Variants in SCUBE1 observed in about 807,000 individuals in gnomAD.
The protein encoded by SCUBE1 is signal peptide, CUB domain and EGF like domain containing 1, also known as signal peptide, CUB and EGF-like domain-containing protein 1.
In SCUBE1, 59 loss-of-function variants were observed where a neutral mutation model predicts 124.4. The ratio of observed to expected loss-of-function variants is 0.47; its 90% CI spans 0.38 to 0.59. The LOEUF is 0.59. SCUBE1 is among the 20% of genes least tolerant of loss of function. SCUBE1 has a pLI of 0.00. For synonymous variants in SCUBE1, 545 were observed against 550.9 expected, an observed-to-expected ratio of 0.99 and a Z score of 0.15; for missense variants, 1,150 against 1,371.2, an observed-to-expected ratio of 0.84 and a Z score of 2.55.
At position 43,210,028 on chromosome 22, in the gene SCUBE1, C is replaced by T. The variant is rs760037871; in HGVS notation, c.2581+15G>A. Reference sequence around the variant, plus strand: ...CAGCTGAGGCTGCCTCTGGTCCCCTCGGCCCCCAACATACCACTCTTCCTC... The same window carrying T: ...CAGCTGAGGCTGCCTCTGGTCCCCTTGGCCCCCAACATACCACTCTTCCTC... On this transcript the variant is annotated intron_variant, in intron 19 of 21. Coordinates refer to ENST00000360835, the MANE Select transcript of SCUBE1 (RefSeq NM_173050.5). The surrounding 1 kb of genome is among the most constrained non-coding windows in gnomAD (Gnocchi z 4.5). 3.2e-5 allele frequency: 50 copies of T among 1,584,024 alleles called. No individual in the cohort carries two copies. The highest frequency in any genetic ancestry group is 3.3e-5 in the Non-Finnish European group (38 of 1,164,354).
At chr22:43,227,274 G>C in intron 10 of SCUBE1, 100 bp downstream of exon 10, 1 of 1,361,598 alleles carries the variant, frequency 7.3e-7, no homozygotes, top group Non-Finnish European at 1.0e-6. Context: ...AGAGGAAAGG[G>C]AGGGGCTGTC....
intron 1 of SCUBE1, among the ~76,000 whole-genome samples, chr22:43,342,287 CGGGCCT>C (rs1459212650): frequency 1.3e-5 from 2 of 152,020 alleles, no homozygotes; most frequent in Non-Finnish European, 2.9e-5. Context: ...GTGAAACCCA[CGGGCCT>C]GGGCCTGTGG....
At position 43,322,092 on chromosome 22, in the gene SCUBE1, C is replaced by T. The variant is rs556768254; in HGVS notation, c.221-2027G>A. Among the ~76,000 whole-genome samples, 519 of 152,252 alleles carry T rather than the reference C, an allele frequency of 3.4e-3. 2 individuals carry two copies. Among genetic ancestry groups the T allele is most frequent in the Non-Finnish European group, 3.7e-3 (253 of 68,034 alleles). On this transcript the variant is annotated intron_variant, in intron 2 of 21. Coordinates refer to ENST00000360835, the MANE Select transcript of SCUBE1 (RefSeq NM_173050.5). ...CTCCACCTCCTGGGTTCAAGCGATTCGCCTGCCTCAGCCTCCCAAGTAGCT... is the reference window on the plus strand; with the variant it reads ...CTCCACCTCCTGGGTTCAAGCGATTTGCCTGCCTCAGCCTCCCAAGTAGCT...
At chr22:43,317,887 T>C (rs1926406924) in intron 3 of SCUBE1, among the ~76,000 whole-genome samples, 1 of 152,058 alleles carries the variant, frequency 6.6e-6, no homozygotes, top group Non-Finnish European at 1.5e-5. Flanking sequence ...GGTGTCCTCA[T>C]AAAAAAGGAA....
At chr22:43,249,470 TAA>T (rs964125373) in intron 6 of SCUBE1, among the ~76,000 whole-genome samples, 5 of 152,172 alleles carry the variant, frequency 3.3e-5, no homozygotes, top group Non-Finnish European at 4.4e-5. Context: ...GTGTGCCCCC[TAA>T]GTGTCAGCCA....
intron 6 of SCUBE1, among the ~76,000 whole-genome samples, chr22:43,251,756 C>G (rs1301231882): frequency 6.6e-6 from 1 of 152,214 alleles, no homozygotes. Flanking sequence ...TTCTGACCTA[C>G]AGAAGATAAT....
intron 4 of SCUBE1, among the ~76,000 whole-genome samples, chr22:43,284,308 C>T (rs1012432986): frequency 2.6e-5 from 4 of 152,226 alleles, no homozygotes; most frequent in Admixed American, 1.3e-4. Flanking sequence ...AGGCTGTTCC[C>T]GTGAAGGGAG....
At chr22:43,319,704 A>C (rs1179686340) in intron 3 of SCUBE1, among the ~76,000 whole-genome samples, 2 of 152,126 alleles carry the variant, frequency 1.3e-5, no homozygotes, top group African/African-American at 4.8e-5. Context: ...GGCCCTCCGA[A>C]AAACCAACCC....
At chr22:43,225,388 A>G (rs1038192736) in intron 10 of SCUBE1, among the ~76,000 whole-genome samples, 7 of 151,970 alleles carry the variant, frequency 4.6e-5, no homozygotes, top group African/African-American at 1.7e-4. Flanking sequence ...CTGGATAGTT[A>G]TTGTCCCGGA....
intron 13 of SCUBE1, 100 bp from the exon 14 acceptor site, chr22:43,220,687 G>A: frequency 6.9e-7 from 1 of 1,448,560 alleles, no homozygotes; most frequent in Non-Finnish European, 9.3e-7. Flanking sequence ...GGACTTCCTG[G>A]TCCGTGGTGC....
At chr22:43,264,879 TG>T (rs1924004255) in intron 4 of SCUBE1, among the ~76,000 whole-genome samples, 1 of 152,256 alleles carries the variant, frequency 6.6e-6, no homozygotes, top group Non-Finnish European at 1.5e-5. Context: ...CAAAGCCTCC[TG>T]GCTCCTGCCT....
intron 21 of SCUBE1, among the ~76,000 whole-genome samples, chr22:43,207,149 C>G (rs1333273985): frequency 1.3e-5 from 2 of 152,184 alleles, no homozygotes; most frequent in Non-Finnish European, 2.9e-5. Flanking sequence ...GGAGCCTAGT[C>G]CCAGCGGCAG....
In SCUBE1 at chr22:43,255,624, G is replaced by C; in HGVS notation, c.727+2595C>G. 1.4e-6 allele frequency: 2 copies of C among 1,481,256 alleles called. No individual in the cohort carries two copies. The highest frequency in any genetic ancestry group is 2.5e-5 in the East Asian group (1 of 40,556). 91.8% of individuals were successfully genotyped at this position (1,481,256 alleles called of 1,614,324 possible). ...AACACGGAGCCAGTGGTTAATGACA[G>C]CCCACTTCCCGCGGCCCAAGACAGT... On this transcript the variant is annotated intron_variant, in intron 6 of 21. Transcript: ENST00000360835. The surrounding 1 kb of genome is among the most constrained non-coding windows in gnomAD (Gnocchi z 4.7).
chr22:43,228,079 A>G (rs1330118739), intron 9 of SCUBE1, among the ~76,000 whole-genome samples: 1 of 152,196 alleles, frequency 6.6e-6, no homozygotes, highest in Admixed American at 6.5e-5. Flanking sequence ...AAGAATCTGT[A>G]GCCCGCCTCC....
chr22:43,317,859 G>A (rs1926405589), intron 3 of SCUBE1, among the ~76,000 whole-genome samples: 1 of 152,198 alleles, frequency 6.6e-6, no homozygotes, highest in Non-Finnish European at 1.5e-5. Context: ...GTTAGGGTGG[G>A]CCTAATGCAA....
chr22:43,328,544 G>T (rs549519310), intron 2 of SCUBE1, among the ~76,000 whole-genome samples: 1 of 152,184 alleles, frequency 6.6e-6, no homozygotes, highest in Non-Finnish European at 1.5e-5. Context: ...GAATTGGTAA[G>T]CTGGATCCTA....
intron 4 of SCUBE1, among the ~76,000 whole-genome samples, chr22:43,271,691 A>G (rs1452989634): frequency 6.6e-6 from 1 of 152,066 alleles, no homozygotes; most frequent in East Asian, 1.9e-4. Flanking sequence ...GCCGGGAACC[A>G]ACAGCTGGCG....
At chr22:43,273,061 T>C (rs1924354032) in intron 4 of SCUBE1, among the ~76,000 whole-genome samples, 1 of 152,202 alleles carries the variant, frequency 6.6e-6, no homozygotes, top group South Asian at 2.1e-4. Flanking sequence ...ACTCCCTCAA[T>C]TGACAAACCT....
intron 2 of SCUBE1, among the ~76,000 whole-genome samples, chr22:43,330,027 G>A (rs1459390684): frequency 1.3e-5 from 2 of 151,748 alleles, no homozygotes; most frequent in African/African-American, 2.4e-5. Flanking sequence ...GGTGGGGGCA[G>A]AGACCCCTAA....
Sources: gnomAD v4.1 joint callset for allele counts (sites outside exome capture counted in the v4.1 genomes callset) on GRCh38, gnomAD v4.1.1 for gene constraint, Gnocchi (gnomAD v3.1) non-coding constraint, MANE v1.5 for transcripts, NCBI Gene and HGNC (gene_info 2026-07-23, HGNC 2026-07-21) for gene names.